LPP: variants seen among roughly 807,000 people sequenced by gnomAD.
LPP encodes lipoma-preferred partner.
In LPP, 38 loss-of-function variants were observed where a neutral mutation model predicts 60.4. That is an observed-to-expected ratio of 0.63 (90% CI 0.49 to 0.83). LPP has a LOEUF of 0.83. LPP is among the 40% of genes least tolerant of loss of function. LPP has a pLI of 0.00. For synonymous variants in LPP, 328 were observed against 290.8 expected, an observed-to-expected ratio of 1.13 and a Z score of -1.30; for missense variants, 902 against 783.6, an observed-to-expected ratio of 1.15 and a Z score of -1.80.
At position 188,874,623 on chromosome 3, in the gene LPP, G is replaced by A; in HGVS notation, c.*144G>A. 1 of 943,586 alleles carries A rather than the reference G, an allele frequency of 1.1e-6. No homozygotes were observed. Among genetic ancestry groups the A allele is most frequent in the Non-Finnish European group, 1.5e-6 (1 of 660,924 alleles). The allele number at this position is 943,586 out of a possible 1,614,324, so 58.5% of individuals were successfully genotyped here. ...TGCCTTAGAAACACATAAATTATGAGATTTTTTTTAAAAGTTGTTACCAAA... is the reference window on the plus strand; with the variant it reads ...TGCCTTAGAAACACATAAATTATGAAATTTTTTTTAAAAGTTGTTACCAAA... On this transcript the variant is annotated 3_prime_UTR_variant, in exon 12 of 12. Transcript: ENST00000617246.
rs1769192282 is a variant in LPP at position 188,875,875 on chromosome 3, T to C, written c.*1396T>C. 1.1e-5 allele frequency: 2 copies of C among 189,668 alleles called. No individual in the cohort carries two copies. The highest frequency in any genetic ancestry group is 2.2e-5 in the Non-Finnish European group (2 of 90,044). 11.7% of individuals were successfully genotyped at this position (189,668 alleles called of 1,614,324 possible). ...AGACACCTAGCTTAGTCATGGCAAG[T>C]TGCCATTTTGTAAACTAAGGATTTT... On this transcript the variant is annotated 3_prime_UTR_variant, in exon 12 of 12. Coordinates refer to ENST00000617246, the MANE Select transcript of LPP (RefSeq NM_001375462.1).
At chr3:188,832,746 A>G (rs748322509) in intron 9 of LPP, among the ~76,000 whole-genome samples, 45 of 152,174 alleles carry the variant, frequency 3.0e-4, no homozygotes, top group Non-Finnish European at 5.9e-4. Context: ...TCACAGGGCA[A>G]CCATGTGTGT....
At chr3:188,864,476 G>A (rs1406529336) in intron 9 of LPP, among the ~76,000 whole-genome samples, 1 of 152,208 alleles carries the variant, frequency 6.6e-6, no homozygotes, top group South Asian at 2.1e-4. Flanking sequence ...TCTGGTAGAG[G>A]AAATAGACAT....
At chr3:188,443,625 T>C (rs1794564514) in intron 4 of LPP, among the ~76,000 whole-genome samples, 1 of 152,212 alleles carries the variant, frequency 6.6e-6, no homozygotes, top group African/African-American at 2.4e-5. Context: ...TTTGTGGTTT[T>C]GACTCCAGCA....
At chr3:188,530,033 T>C (rs1821720665) in intron 6 of LPP, among the ~76,000 whole-genome samples, 1 of 152,180 alleles carries the variant, frequency 6.6e-6, no homozygotes, top group Non-Finnish European at 1.5e-5. Flanking sequence ...GGGAAGGGCA[T>C]GGGATTCAAG....
At chr3:188,361,090 G>A (rs1187436069) in intron 3 of LPP, among the ~76,000 whole-genome samples, 1 of 152,166 alleles carries the variant, frequency 6.6e-6, no homozygotes, top group African/African-American at 2.4e-5. Context: ...ACTAGGTGGA[G>A]CTGACGGGAT....
At chr3:188,417,386 T>C (rs1273005412) in intron 4 of LPP, among the ~76,000 whole-genome samples, 2 of 151,906 alleles carry the variant, frequency 1.3e-5, no homozygotes, top group African/African-American at 4.8e-5. Flanking sequence ...AATGAGTTAG[T>C]TGTTTACCAA....
chr3:188,485,334 C>G (rs1296534642), intron 5 of LPP, among the ~76,000 whole-genome samples: 1 of 152,012 alleles, frequency 6.6e-6, no homozygotes, highest in African/African-American at 2.4e-5. Context: ...CGGTAACTGC[C>G]GAAAGCTGCC....
At chr3:188,490,627 G>A (rs1262133896) in intron 5 of LPP, among the ~76,000 whole-genome samples, 1 of 151,996 alleles carries the variant, frequency 6.6e-6, no homozygotes, top group African/African-American at 2.4e-5. Context: ...GCCCCACGAA[G>A]TGCTAGGATT....
chr3:188,231,282 A>C (rs544579342), intron 2 of LPP, among the ~76,000 whole-genome samples: 5 of 152,310 alleles, frequency 3.3e-5, no homozygotes, highest in African/African-American at 1.2e-4. Context: ...TGCTTACCAC[A>C]GATTCCCCAG....
rs1766559721 is a variant in LPP, at chr3:188,866,212, C to G, written c.1423C>G (p.Gln475Glu). Residue 475 changes from glutamine (Q) to glutamate (E), a missense_variant, in exon 10 of 12, where the codon CAG (glutamine) becomes GAG (glutamate). Coordinates refer to ENST00000617246, the MANE Select transcript of LPP (RefSeq NM_001375462.1). The part of the protein sequence containing the change: ...CEPCYINTLE[Q>E]CNVCSKPIME... ...TTTCCTTCCCCAGAATACTCTGGAG[C>G]AGTGCAATGTGTGTTCCAAGCCCAT... 9.9e-6 allele frequency: 15 copies of G among 1,516,890 alleles called. No individual in the cohort carries two copies. The highest frequency in any genetic ancestry group is 1.3e-5 in the Non-Finnish European group (15 of 1,127,118). The allele number at this position is 1,516,890 out of a possible 1,614,324, so 94.0% of individuals were successfully genotyped here.
At chr3:188,874,321 T>C (rs372778659) in intron 11 of LPP, 30 bp from the exon 12 acceptor site, 2 of 1,595,202 alleles carry the variant, frequency 1.3e-6, no homozygotes, top group Non-Finnish European at 1.7e-6. Context: ...TTTTTACTTA[T>C]GTCGTTTCCA....
chr3:188,585,570 C>T (rs1250173968), intron 6 of LPP, among the ~76,000 whole-genome samples: 2 of 152,160 alleles, frequency 1.3e-5, no homozygotes, highest in Non-Finnish European at 2.9e-5. Context: ...GCACAGGGGA[C>T]TTGGCATTCT....
intron 8 of LPP, among the ~76,000 whole-genome samples, chr3:188,737,068 GT>G (rs745764353): frequency 1.4e-4 from 22 of 151,934 alleles, no homozygotes; most frequent in Non-Finnish European, 2.9e-4. Context: ...TATAAACGGA[GT>G]ACTTCCCAAT....
In LPP at chr3:188,879,453, G is replaced by A. The variant is rs1391419029; in HGVS notation, c.*4974G>A. 4.8e-6 allele frequency: 1 copy of A among 207,602 alleles called. No individual in the cohort carries two copies. Among genetic ancestry groups the A allele is most frequent in the Non-Finnish European group, 9.8e-6 (1 of 102,024 alleles). 12.9% of individuals were successfully genotyped at this position (207,602 alleles called of 1,614,324 possible). ...CATCCATAAAATCTTCTTTTATAGG[G>A]GCATATTTTTTAGGTTGTATTTATT... On this transcript the variant is annotated 3_prime_UTR_variant, in exon 12 of 12. Transcript: ENST00000617246.
chr3:188,592,557 G>GTTTGTTTGTTTTTTTTTTTTTTTTTT lies in LPP; in HGVS notation c.430-16601_430-16600insGTTTGTTTTTTTTTTTTTTTTTTTTT, dbSNP rs1260656926. Among the ~76,000 whole-genome samples the GTTTGTTTGTTTTTTTTTTTTTTTTTT allele has an allele frequency of 8.2e-5, 7 of 85,792 alleles. 1 individual carries two copies. In the South Asian group the frequency reaches 2.3e-3, roughly 28 times the overall value. 56.3% of individuals were successfully genotyped at this position (85,792 alleles called of 152,430 possible). A position where few individuals can be genotyped will look rare whatever the true frequency, so the allele number is the denominator to read the frequency against. On this transcript the variant is annotated intron_variant, in intron 6 of 11. Coordinates refer to ENST00000617246, the MANE Select transcript of LPP (RefSeq NM_001375462.1). The stretch of plus-strand genomic sequence containing the variant: ...TATCACTGTTTTTAGTTTTGTTTTT[G>GTTTGTTTGTTTTTTTTTTTTTTTTTT]TTTTTTAAATGGAGTCTCACTCTTT...
intron 5 of LPP, among the ~76,000 whole-genome samples, chr3:188,509,980 G>A (rs1274507590): frequency 6.9e-6 from 1 of 145,526 alleles, no homozygotes; most frequent in East Asian, 2.2e-4. Flanking sequence ...GCCTCCCAAA[G>A]TGCTGGGATT....
intron 9 of LPP, among the ~76,000 whole-genome samples, chr3:188,831,094 T>G (rs577412948): frequency 6.6e-6 from 1 of 152,202 alleles, no homozygotes; most frequent in East Asian, 1.9e-4. Context: ...AAGATTTCTC[T>G]ATCATTCTGC....
At chr3:188,588,823 C>CTGT (rs1335907400) in intron 6 of LPP, among the ~76,000 whole-genome samples, 1 of 152,178 alleles carries the variant, frequency 6.6e-6, no homozygotes, top group Non-Finnish European at 1.5e-5. Context: ...TGTCCACAAA[C>CTGT]ACACAGCCAT....
Sources: allele counts gnomAD v4.1 joint callset (sites outside exome capture counted in the v4.1 genomes callset), GRCh38; gene constraint gnomAD v4.1.1; transcripts MANE v1.5; gene names NCBI Gene and HGNC (gene_info 2026-07-23, HGNC 2026-07-21).